SGMS2: variants seen among roughly 807,000 people sequenced by gnomAD.
The protein encoded by SGMS2 is phosphatidylcholine:ceramide cholinephosphotransferase 2.
Under a neutral mutation model 43.8 loss-of-function variants are expected in SGMS2, and 21 were observed. That is an observed-to-expected ratio of 0.48 (90% CI 0.34 to 0.69). The LOEUF (loss-of-function observed/expected upper bound fraction) is 0.69. SGMS2 is among the 30% of genes least tolerant of loss of function. The pLI is 0.01. For synonymous variants in SGMS2, 167 were observed against 160.6 expected (o/e 1.04, Z -0.30); for missense variants, 384 against 443.2 (o/e 0.87, Z 1.20).
At chr4:107,880,733 A>T (rs1729269615) in intron 2 of SGMS2, among the ~76,000 whole-genome samples, 1 of 152,044 alleles carries the variant, frequency 6.6e-6, no homozygotes, top group Non-Finnish European at 1.5e-5. Context: ...GCATGCTTGT[A>T]ATCCCAGCTA....
chr4:107,849,495 G>T (rs970962385), intron 1 of SGMS2, among the ~76,000 whole-genome samples: 1 of 152,148 alleles, frequency 6.6e-6, no homozygotes, highest in Non-Finnish European at 1.5e-5. Context: ...AAATTTGAGA[G>T]ACTATTAAAT....
At chr4:107,900,786 A>G (rs994410965) in intron 4 of SGMS2, among the ~76,000 whole-genome samples, 21 of 152,218 alleles carry the variant, frequency 1.4e-4, no homozygotes, top group South Asian at 4.1e-4. Flanking sequence ...GCTTCTCTGA[A>G]GACGTCCACA....
chr4:107,914,154 A>G lies in SGMS2; in HGVS notation c.*3601A>G, dbSNP rs537938616. On this transcript the variant is annotated 3_prime_UTR_variant, in exon 7 of 7. Transcript: ENST00000690982. ...AACTCCTTTGACTCAGTTGCTGAAAATATTTCTTCTATTAAGAAGTGCTCT... is the reference window on the plus strand; with the variant it reads ...AACTCCTTTGACTCAGTTGCTGAAAGTATTTCTTCTATTAAGAAGTGCTCT... The G allele has an allele frequency of 2.6e-5, 4 of 152,194 alleles. No individual in the cohort carries two copies. The East Asian group carries it at 5.8e-4, about 22-fold the overall frequency. The allele number at this position is 152,194 out of a possible 1,614,324, so 9.4% of individuals were successfully genotyped here.
chr4:107,888,664 C>G (rs1235440300), intron 2 of SGMS2, among the ~76,000 whole-genome samples: 1 of 151,832 alleles, frequency 6.6e-6, no homozygotes, highest in Non-Finnish European at 1.5e-5. Flanking sequence ...TTCATTTTAC[C>G]TGGTTTTATA....
In SGMS2 at chr4:107,903,386, T is replaced by C. The variant is rs752672503; in HGVS notation, c.727T>C (p.Tyr243His). The C allele has an allele frequency of 6.2e-7, 1 of 1,613,774 alleles. No homozygotes were observed. Among genetic ancestry groups the C allele is most frequent in the South Asian group, 1.1e-5 (1 of 91,078 alleles). The change falls in exon 5 of 7, where the codon TAT becomes CAT. Residue 243 changes from tyrosine (Y) to histidine (H), a missense_variant and splice_region_variant. Transcript: ENST00000690982. ...LTLTYLFIKE[Y>H]SPRHFWWYHL... ...ACTGACTTATTTGTTCATCAAAGAA[T>C]GTAAGTAATAGCCCATTCCCACTGA... is the stretch of plus-strand genomic sequence containing the variant.
intron 2 of SGMS2, among the ~76,000 whole-genome samples, chr4:107,882,833 C>G (rs1729464746): frequency 6.6e-6 from 1 of 152,076 alleles, no homozygotes; most frequent in African/African-American, 2.4e-5. Flanking sequence ...CAATAAAATT[C>G]TGTTTCAAGA....
At chr4:107,873,645 G>C (rs867139075) in intron 2 of SGMS2, among the ~76,000 whole-genome samples, 28 of 152,086 alleles carry the variant, frequency 1.8e-4, no homozygotes, top group Admixed American at 1.0e-3. Flanking sequence ...CTGTTCCTGA[G>C]AGAGTATCTG....
chr4:107,837,001 T>C (rs1471204412), intron 1 of SGMS2, among the ~76,000 whole-genome samples: 1 of 152,204 alleles, frequency 6.6e-6, no homozygotes, highest in Non-Finnish European at 1.5e-5. Flanking sequence ...TAGGTTGCCT[T>C]GGATTTCATA....
rs376803518 is a variant in SGMS2, at chr4:107,899,726, C to T, written c.573+34C>T. The T allele has an allele frequency of 2.8e-6, 4 of 1,436,316 alleles. No homozygotes were observed. In the East Asian group the frequency reaches 9.1e-5, roughly 33 times the overall value. 89.0% of individuals were successfully genotyped at this position (1,436,316 alleles called of 1,614,324 possible). Reference sequence around the variant, plus strand: ...CTCCAAACTGCCACTTAGAAGAAATCAGGCAAACAGTTATTGATCACTTAC... The same window carrying T: ...CTCCAAACTGCCACTTAGAAGAAATTAGGCAAACAGTTATTGATCACTTAC... On this transcript the variant is annotated intron_variant, in intron 4 of 6. Transcript: ENST00000690982.
chr4:107,824,602 G>GC (rs1397485449), upstream of SGMS2: 7 of 152,420 alleles, frequency 4.6e-5, no homozygotes, highest in Non-Finnish European at 8.8e-5. Context: ...TCAGCTCCAG[G>GC]CCCTCAGCCT....
rs766299728 is a variant in SGMS2, at chr4:107,912,055, A to G, written c.*1502A>G. 3.9e-5 allele frequency: 6 copies of G among 152,174 alleles called. No individual in the cohort carries two copies. The highest frequency in any genetic ancestry group is 1.4e-4 in the African/African-American group (6 of 41,446). The allele number at this position is 152,174 out of a possible 1,614,324, so 9.4% of individuals were successfully genotyped here. A position where few individuals can be genotyped will look rare whatever the true frequency, so the allele number is the denominator to read the frequency against. ...AGGTGAAATTTTTCTTTCATTTAGA[A>G]TGGAAAACATCCCCAAATGTATCAT... is the stretch of plus-strand genomic sequence containing the variant. On this transcript the variant is annotated 3_prime_UTR_variant, in exon 7 of 7. Transcript: ENST00000690982.
chr4:107,892,247 A>C (rs1362697384), intron 2 of SGMS2, among the ~76,000 whole-genome samples: 1 of 151,480 alleles, frequency 6.6e-6, no homozygotes, highest in Non-Finnish European at 1.5e-5. Context: ...AAAAAAAAAA[A>C]AAAAAAAAAA....
chr4:107,895,856 T>C lies in SGMS2; in HGVS notation c.303T>C (p.His101=), dbSNP rs1730620510. ...CAACCGTCATGATCACAGTTGTACA[T>C]GAGAGGGTCCCTCCCAAGGAGCTTA... ...VLTTVMITVV[H]ERVPPKELSP... Residue 101 remains histidine (H), a synonymous_variant, in exon 3 of 7, where the codon CAT becomes CAC. Transcript: ENST00000690982. 1.9e-6 allele frequency: 3 copies of C among 1,613,856 alleles called. No individual in the cohort carries two copies. Among genetic ancestry groups the C allele is most frequent in the Non-Finnish European group, 2.5e-6 (3 of 1,179,936 alleles).
At position 107,903,239 on chromosome 4, in the gene SGMS2, G is replaced by A. The variant is rs749632220; in HGVS notation, c.580G>A (p.Gly194Arg). 6.2e-7 allele frequency: 1 copy of A among 1,613,914 alleles called. No homozygotes were observed. The highest frequency in any genetic ancestry group is 1.1e-5 in the South Asian group (1 of 91,070). Residue 194 changes from glycine (G) to arginine (R), a missense_variant, in exon 5 of 7, where the codon GGA becomes AGA. By Grantham distance (125) the Gly-to-Arg change is moderately radical. Transcript: ENST00000690982. ...ATCTTCTTGTGTCATTCAGCTCAAT[G>A]GAGACTCTCAGGCAAAAGTTCAACG... ...MHFQCAPKLN[G>R]DSQAKVQRIL... is the part of the protein sequence containing the mutation.
At chr4:107,877,390 A>G (rs1223118271) in intron 2 of SGMS2, among the ~76,000 whole-genome samples, 1 of 152,254 alleles carries the variant, frequency 6.6e-6, no homozygotes, top group Non-Finnish European at 1.5e-5. Context: ...ACCCTGAGGT[A>G]TTAAAACCTA....
chr4:107,867,778 C>A (rs759542143), intron 2 of SGMS2: 1 of 152,104 alleles, frequency 6.6e-6, no homozygotes, highest in Non-Finnish European at 1.5e-5. Flanking sequence ...AGCTCTTGTT[C>A]TTAAGTCTAG....
At chr4:107,841,506 A>T (rs1030552574) in intron 1 of SGMS2, among the ~76,000 whole-genome samples, 4 of 151,808 alleles carry the variant, frequency 2.6e-5, no homozygotes, top group African/African-American at 9.7e-5. Flanking sequence ...GCTCATTTTG[A>T]GGCAGTCAGA....
intron 2 of SGMS2, among the ~76,000 whole-genome samples, chr4:107,866,161 G>A (rs749816115): frequency 1.1e-4 from 17 of 152,166 alleles, no homozygotes; most frequent in Non-Finnish European, 2.2e-4. Context: ...AGGGCATGTT[G>A]TAGGGGCCAT....
chr4:107,869,742 A>G (rs1728412693), intron 2 of SGMS2, among the ~76,000 whole-genome samples: 1 of 152,088 alleles, frequency 6.6e-6, no homozygotes, highest in African/African-American at 2.4e-5. Flanking sequence ...AAAAATACAG[A>G]GTAGAGGACA....
Sources: gnomAD v4.1 joint callset for allele counts (sites outside exome capture counted in the v4.1 genomes callset) on GRCh38, gnomAD v4.1.1 for gene constraint, MANE v1.5 for transcripts, NCBI Gene and HGNC (gene_info 2026-07-23, HGNC 2026-07-21) for gene names.